The following PLXNA4 variants were observed in gnomAD, a reference collection of about 807,000 sequenced individuals.
The protein encoded by PLXNA4 is plexin-A4.
In PLXNA4, 44 loss-of-function variants were observed where a neutral mutation model predicts 191.8. The ratio of observed to expected loss-of-function variants is 0.23; its 90% CI spans 0.18 to 0.29. The LOEUF (loss-of-function observed/expected upper bound fraction) is 0.29, where lower values mean the gene tolerates loss of function less well. Among genes scored for constraint, PLXNA4 ranks in the 10% least tolerant of loss-of-function variants. The probability of loss-of-function intolerance (pLI) is 1.00; values close to 1 mark genes in which losing one functional copy is unlikely to be tolerated. For synonymous variants in PLXNA4, 1,082 were observed against 1,009.5 expected (o/e 1.07, Z -1.36); for missense variants, 1,800 against 2,488.8 (o/e 0.72, Z 5.89).
intron 3 of PLXNA4, among the ~76,000 whole-genome samples, chr7:132,446,865 T>C (rs1357729457): frequency 6.6e-6 from 1 of 152,192 alleles, no homozygotes; most frequent in Non-Finnish European, 1.5e-5. Flanking sequence ...CATTCCCCTT[T>C]GCAGCAGGCC....
intron 4 of PLXNA4, among the ~76,000 whole-genome samples, chr7:132,252,692 C>T (rs1359644637): frequency 6.6e-6 from 1 of 152,134 alleles, no homozygotes. Context: ...TTACTAAAAC[C>T]TAAAATGACC....
intron 1 of PLXNA4, among the ~76,000 whole-genome samples, chr7:132,537,246 G>T (rs1037188983): frequency 6.6e-6 from 1 of 152,192 alleles, no homozygotes; most frequent in Non-Finnish European, 1.5e-5. Context: ...CAGCAGCCAG[G>T]TGTCCTTTTC....
At chr7:132,563,145 T>C (rs867967136) in intron 1 of PLXNA4, among the ~76,000 whole-genome samples, 605 of 20,186 alleles carry the variant, frequency 0.03, no homozygotes, top group East Asian at 0.041. Flanking sequence ...CCTTCTCCTC[T>C]TCCTCCTTCT....
At chr7:132,455,321 C>T (rs940848493) in intron 3 of PLXNA4, among the ~76,000 whole-genome samples, 2 of 152,078 alleles carry the variant, frequency 1.3e-5, no homozygotes, top group Non-Finnish European at 2.9e-5. Context: ...GGGAGGGGCG[C>T]CTGGCTCTCA....
At chr7:132,230,335 T>A (rs898668534) in intron 5 of PLXNA4, among the ~76,000 whole-genome samples, 1 of 152,208 alleles carries the variant, frequency 6.6e-6, no homozygotes, top group African/African-American at 2.4e-5. Context: ...CTTCTCGCCA[T>A]CCTGATGCCC....
At chr7:132,492,083 C>T (rs74409074) in intron 2 of PLXNA4, among the ~76,000 whole-genome samples, 4,080 of 152,304 alleles carry the variant, frequency 0.027, 80 homozygotes, top group Non-Finnish European at 0.042. Context: ...GGACCTCTGG[C>T]GTCGCAAACT....
At chr7:132,561,658 TTTCCTCATC>T (rs1801094486) in intron 1 of PLXNA4, among the ~76,000 whole-genome samples, 1 of 59,412 alleles carries the variant, frequency 1.7e-5, no homozygotes, top group Non-Finnish European at 3.3e-5. Context: ...TCTTCCTCCT[TTTCCTCATC>T]CTCCTCCTTC....
chr7:132,435,823 C>G (rs1355653465), intron 3 of PLXNA4, among the ~76,000 whole-genome samples: 1 of 152,156 alleles, frequency 6.6e-6, no homozygotes, highest in Non-Finnish European at 1.5e-5. Context: ...TTCTCTCTTC[C>G]CCTACAAAGC....
intron 2 of PLXNA4, among the ~76,000 whole-genome samples, chr7:132,612,471 G>A (rs1461520868): frequency 6.6e-6 from 1 of 151,950 alleles, no homozygotes; most frequent in Non-Finnish European, 1.5e-5. Context: ...GACCAGCCTG[G>A]CCAACATGGT....
At chr7:132,540,569 CTTTTTTTT>C (rs71915138) in intron 1 of PLXNA4, among the ~76,000 whole-genome samples, 42 of 61,004 alleles carry the variant, frequency 6.9e-4, no homozygotes, top group Admixed American at 1.1e-3. Flanking sequence ...GTGGACCGTT[CTTTTTTTT>C]TTTTTTTTTT....
intron 3 of PLXNA4, among the ~76,000 whole-genome samples, chr7:132,428,151 A>G (rs1486762430): frequency 6.6e-6 from 1 of 151,990 alleles, no homozygotes; most frequent in East Asian, 1.9e-4. Flanking sequence ...GCCTGCCCCC[A>G]CCAGAGAACC....
intron 2 of PLXNA4, among the ~76,000 whole-genome samples, chr7:132,641,603 G>A (rs988204554): frequency 1.3e-5 from 2 of 152,150 alleles, no homozygotes; most frequent in African/African-American, 4.8e-5. Context: ...GCATTTTGTT[G>A]TCACTTTGCA....
intron 20 of PLXNA4, among the ~76,000 whole-genome samples, 183 bp downstream of exon 20, chr7:132,179,504 C>T (rs535411532): frequency 6.7e-6 from 1 of 150,346 alleles, no homozygotes; most frequent in East Asian, 2.0e-4. Context: ...GATGTGCACA[C>T]ACACACATGC....
At chr7:132,322,329 G>C (rs1407530207) in intron 3 of PLXNA4, among the ~76,000 whole-genome samples, 1 of 151,986 alleles carries the variant, frequency 6.6e-6, no homozygotes. Context: ...TTACAGGCAT[G>C]TGCCACCATG....
chr7:132,202,434 T>C (rs1797468581), intron 12 of PLXNA4, among the ~76,000 whole-genome samples: 1 of 152,098 alleles, frequency 6.6e-6, no homozygotes, highest in Non-Finnish European at 1.5e-5. Flanking sequence ...TCATTGAGGA[T>C]AGTCGAGCCC....
At chr7:132,445,392 C>T (rs277464) in intron 3 of PLXNA4, among the ~76,000 whole-genome samples, 3,275 of 151,690 alleles carry the variant, frequency 0.022, 110 homozygotes, top group African/African-American at 0.076. Flanking sequence ...GCCGAGTGAG[C>T]GCCCCTGCCT....
chr7:132,146,822 G>A lies in PLXNA4; in HGVS notation c.4865-122C>T, dbSNP rs1240701168. 1.5e-5 allele frequency: 22 copies of A among 1,511,722 alleles called. No homozygotes were observed. In the East Asian group the frequency reaches 2.8e-4, roughly 19 times the overall value. 93.6% of individuals were successfully genotyped at this position (1,511,722 alleles called of 1,614,324 possible). ...TGTCTGATCATTCCTGCCATTGGTC[G>A]GTGCTGTCACCTTGCCTTGGTTTGG... On this transcript the variant is annotated intron_variant, in intron 27 of 31. Transcript: ENST00000321063.
chr7:132,365,801 C>G (rs1002055958), intron 3 of PLXNA4: 5 of 152,202 alleles, frequency 3.3e-5, no homozygotes, highest in African/African-American at 1.2e-4. Context: ...AAAAAGTGAG[C>G]TAGCAAAGCA....
chr7:132,529,371 C>T (rs535852342), intron 1 of PLXNA4, among the ~76,000 whole-genome samples: 10 of 152,276 alleles, frequency 6.6e-5, no homozygotes, highest in Non-Finnish European at 1.0e-4. Context: ...TTACCCACCT[C>T]GTGGCATTTT....
Sources: allele counts gnomAD v4.1 joint callset (sites outside exome capture counted in the v4.1 genomes callset), GRCh38; gene constraint gnomAD v4.1.1; transcripts MANE v1.5; gene names NCBI Gene and HGNC (gene_info 2026-07-23, HGNC 2026-07-21).